Variants in UBE2N observed in about 807,000 individuals in gnomAD.
The protein encoded by UBE2N is ubiquitin-conjugating enzyme E2 N.
For synonymous variants in UBE2N, 70 were observed against 69.2 expected, an observed-to-expected ratio of 1.01 and a Z score of -0.06; for missense variants, 60 against 192.1, an observed-to-expected ratio of 0.31 and a Z score of 4.07.
At chr12:93,417,671 A>G (rs1446196721) in intron 1 of UBE2N, among the ~76,000 whole-genome samples, 1 of 152,248 alleles carries the variant, frequency 6.6e-6, no homozygotes, top group African/African-American at 2.4e-5. Flanking sequence ...GAGCTGTCTG[A>G]TAACTCAGTA....
At chr12:93,422,308 C>A (rs141872299) in intron 1 of UBE2N, among the ~76,000 whole-genome samples, 4 of 152,232 alleles carry the variant, frequency 2.6e-5, no homozygotes, top group Non-Finnish European at 5.9e-5. Context: ...CTGAACTTTT[C>A]TTAGCACCAG....
chr12:93,438,846 G>A (rs976745864), intron 1 of UBE2N, among the ~76,000 whole-genome samples: 1 of 152,158 alleles, frequency 6.6e-6, no homozygotes, highest in Non-Finnish European at 1.5e-5. Flanking sequence ...TAGCAACTGG[G>A]TGAATAGTAG....
At chr12:93,412,882 T>C (rs192950234) in intron 1 of UBE2N, among the ~76,000 whole-genome samples, 2 of 152,352 alleles carry the variant, frequency 1.3e-5, no homozygotes, top group East Asian at 3.9e-4. Flanking sequence ...TTGTGGGAGC[T>C]AAGAACATAA....
intron 1 of UBE2N, among the ~76,000 whole-genome samples, chr12:93,428,626 C>A (rs1878662103): frequency 6.6e-6 from 1 of 152,166 alleles, no homozygotes; most frequent in Admixed American, 6.5e-5. Flanking sequence ...AGTGTTTCTG[C>A]AAAGTGTACA....
intron 1 of UBE2N, among the ~76,000 whole-genome samples, chr12:93,439,126 T>A (rs1029687789): frequency 1.3e-5 from 2 of 152,250 alleles, no homozygotes; most frequent in Non-Finnish European, 2.9e-5. Context: ...CCACCTTATT[T>A]TAACATTTTC....
At chr12:93,410,228 G>T in intron 3 of UBE2N, 149 bp from the exon 4 acceptor site, 1 of 694,032 alleles carries the variant, frequency 1.4e-6, no homozygotes, top group Non-Finnish European at 2.3e-6. Context: ...ATTGGATCAG[G>T]GCTGAAAGAT....
chr12:93,426,253 C>T (rs181501733), intron 1 of UBE2N, among the ~76,000 whole-genome samples: 1 of 152,182 alleles, frequency 6.6e-6, no homozygotes, highest in Non-Finnish European at 1.5e-5. Context: ...GACAATAATA[C>T]TGGGTCAAAT....
Position 93,434,513 on chromosome 12 carries a change from A to G in UBE2N, c.30+7342T>C, listed in dbSNP as rs181373631. On this transcript the variant is annotated intron_variant, in intron 1 of 3. Coordinates refer to ENST00000318066, the MANE Select transcript of UBE2N (RefSeq NM_003348.4). ...AGAGGAGCTTAAAAAAGAATACTGA[A>G]CTGACTGCTATTTTTAACTTACTTT... Among the ~76,000 whole-genome samples, 688 of 152,296 alleles carry G rather than the reference A, an allele frequency of 4.5e-3. 4 individuals carry two copies. The highest frequency in any genetic ancestry group is 0.011 in the South Asian group (51 of 4,822).
intron 1 of UBE2N, among the ~76,000 whole-genome samples, chr12:93,429,870 T>G (rs1405460257): frequency 6.6e-6 from 1 of 152,136 alleles, no homozygotes; most frequent in African/African-American, 2.4e-5. Context: ...TTAAGCTAAA[T>G]GTTAATACAA....
At chr12:93,438,708 C>A (rs1879009412) in intron 1 of UBE2N, among the ~76,000 whole-genome samples, 1 of 151,898 alleles carries the variant, frequency 6.6e-6, no homozygotes, top group African/African-American at 2.4e-5. Flanking sequence ...TACAGGAGGC[C>A]AGGCAGTAAA....
chr12:93,431,729 T>C (rs1015259633), intron 1 of UBE2N, among the ~76,000 whole-genome samples: 2 of 152,234 alleles, frequency 1.3e-5, no homozygotes, highest in Non-Finnish European at 2.9e-5. Context: ...CTAACAATTC[T>C]TGATGCCAAC....
intron 1 of UBE2N, among the ~76,000 whole-genome samples, chr12:93,425,604 CCA>C (rs1878556290): frequency 6.6e-6 from 1 of 152,084 alleles, no homozygotes; most frequent in African/African-American, 2.4e-5. Flanking sequence ...GAGACCAACC[CCA>C]CAGAGTAAGG....
chr12:93,423,143 A>G (rs902927773), intron 1 of UBE2N, among the ~76,000 whole-genome samples: 1 of 152,172 alleles, frequency 6.6e-6, no homozygotes, highest in Non-Finnish European at 1.5e-5. Context: ...CACCGCACAC[A>G]CTGTAGAATG....
At chr12:93,429,283 G>GA (rs1878683246) in intron 1 of UBE2N, 3 of 402,052 alleles carry the variant, frequency 7.5e-6, no homozygotes, top group African/African-American at 4.3e-5. Context: ...AAAAAAAAAA[G>GA]AAAGAAAGAA....
chr12:93,418,716 T>G (rs1422407776), intron 1 of UBE2N, among the ~76,000 whole-genome samples: 1 of 152,090 alleles, frequency 6.6e-6, no homozygotes, highest in Non-Finnish European at 1.5e-5. Context: ...ATTTAAAAAT[T>G]TTCTAGTAGC....
chr12:93,424,271 C>T (rs994974756), intron 1 of UBE2N: 2 of 152,122 alleles, frequency 1.3e-5, no homozygotes, highest in African/African-American at 2.4e-5. Flanking sequence ...TTTACTTACT[C>T]GACCCTTTTT....
At chr12:93,418,076 G>A (rs898385676) in intron 1 of UBE2N, among the ~76,000 whole-genome samples, 3 of 151,868 alleles carry the variant, frequency 2.0e-5, no homozygotes, top group Non-Finnish European at 2.9e-5. Context: ...CAATCTTCCC[G>A]CCCTGGCCTC....
intron 1 of UBE2N, among the ~76,000 whole-genome samples, chr12:93,425,001 C>T (rs1878536521): frequency 6.6e-6 from 1 of 152,174 alleles, no homozygotes; most frequent in Non-Finnish European, 1.5e-5. Context: ...ACTAGGAAGA[C>T]ATTCAATCTT....
At chr12:93,412,036 TGTAAC>T (rs915137637) in intron 1 of UBE2N, among the ~76,000 whole-genome samples, 1 of 151,922 alleles carries the variant, frequency 6.6e-6, no homozygotes, top group Non-Finnish European at 1.5e-5. Flanking sequence ...CTCTGAAAAA[TGTAAC>T]GGACTAAAGA....
Sources: gnomAD v4.1 joint callset for allele counts (sites outside exome capture counted in the v4.1 genomes callset) on GRCh38, gnomAD v4.1.1 for gene constraint, MANE v1.5 for transcripts, NCBI Gene and HGNC (gene_info 2026-07-23, HGNC 2026-07-21) for gene names.